Variants in MAF observed in about 807,000 individuals in gnomAD.
MAF encodes MAF bZIP transcription factor.
MAF carries 10 observed loss-of-function variants against 22.0 expected under a neutral mutation model. The ratio of observed to expected loss-of-function variants is 0.45; its 90% CI spans 0.28 to 0.77. The LOEUF is 0.77. MAF is among the 30% of genes least tolerant of loss of function. The probability of loss-of-function intolerance (pLI) is 0.12; values close to 1 mark genes in which losing one functional copy is unlikely to be tolerated. For missense variants in MAF, 544 were observed against 548.4 expected (o/e 0.99, Z 0.08); for synonymous variants, 337 against 255.8 (o/e 1.32, Z -3.03).
the MAF span, among the ~76,000 whole-genome samples, chr16:79,552,142 C>T: frequency 5.9e-5 from 9 of 152,252 alleles, no homozygotes; most frequent in East Asian, 3.9e-4. Flanking sequence ...CTCAGGACAA[C>T]GGGAAATGCT....
chr16:79,305,750 A>G, the MAF span, among the ~76,000 whole-genome samples: 1 of 152,240 alleles, frequency 6.6e-6, no homozygotes, highest in African/African-American at 2.4e-5. Flanking sequence ...AGAGAGAGGA[A>G]TTTACTGAAA....
At chr16:79,400,261 T>C in the MAF span, among the ~76,000 whole-genome samples, 31 of 152,186 alleles carry the variant, frequency 2.0e-4, no homozygotes, top group African/African-American at 5.3e-4. Flanking sequence ...GAACATCCCT[T>C]TGTGGCTTGG....
At chr16:79,572,780 A>G in the MAF span, among the ~76,000 whole-genome samples, 1 of 152,116 alleles carries the variant, frequency 6.6e-6, no homozygotes, top group African/African-American at 2.4e-5. Context: ...TTCCTCCCCA[A>G]CTCACACACA....
chr16:79,446,075 A>G, the MAF span, among the ~76,000 whole-genome samples: 1 of 152,214 alleles, frequency 6.6e-6, no homozygotes, highest in East Asian at 1.9e-4. Context: ...ACAGAGAGAA[A>G]AAAAAGAGAG....
chr16:79,441,660 C>T, the MAF span, among the ~76,000 whole-genome samples: 2 of 152,182 alleles, frequency 1.3e-5, no homozygotes, highest in African/African-American at 4.8e-5. Flanking sequence ...AGACAGTGGC[C>T]TGCCCTGGCT....
the MAF span, among the ~76,000 whole-genome samples, chr16:79,389,698 C>T: frequency 1.3e-5 from 2 of 151,560 alleles, no homozygotes; most frequent in Non-Finnish European, 2.9e-5. Flanking sequence ...TAGATCAGGC[C>T]GGGCATGGTG....
chr16:79,579,542 T>C, the MAF span, among the ~76,000 whole-genome samples: 43 of 152,242 alleles, frequency 2.8e-4, no homozygotes, highest in African/African-American at 1.0e-3. Flanking sequence ...GTCACTTTAT[T>C]GCAGCTTGCA....
the MAF span, among the ~76,000 whole-genome samples, chr16:79,273,202 C>G: frequency 2.6e-4 from 40 of 152,244 alleles, no homozygotes; most frequent in African/African-American, 8.4e-4. Flanking sequence ...CCCTAGGGAA[C>G]CTCCTCTGGC....
At chr16:79,452,968 T>C in the MAF span, among the ~76,000 whole-genome samples, 1 of 152,236 alleles carries the variant, frequency 6.6e-6, no homozygotes, top group Admixed American at 6.5e-5. Context: ...GCCTTTGCGA[T>C]GTGGAGGTTT....
chr16:79,582,044 G>C (rs1333526056), downstream of MAF, among the ~76,000 whole-genome samples: 1 of 152,104 alleles, frequency 6.6e-6, no homozygotes, highest in African/African-American at 2.4e-5. Flanking sequence ...TTTTCCCACT[G>C]TCTTACTGTT....
At chr16:79,290,279 C>G in the MAF span, among the ~76,000 whole-genome samples, 2 of 152,170 alleles carry the variant, frequency 1.3e-5, no homozygotes, top group Admixed American at 6.5e-5. Context: ...CAACACCGAG[C>G]TTTTATCTGA....
chr16:79,252,886 GT>G, the MAF span, among the ~76,000 whole-genome samples: 1 of 152,160 alleles, frequency 6.6e-6, no homozygotes, highest in Non-Finnish European at 1.5e-5. Flanking sequence ...TGAAAGGGGT[GT>G]AAAAGTAAAA....
chr16:79,228,200 C>G, the MAF span, among the ~76,000 whole-genome samples: 2 of 152,134 alleles, frequency 1.3e-5, no homozygotes, highest in African/African-American at 4.8e-5. Flanking sequence ...GCCACCTTGC[C>G]CAGCCACATT....
the MAF span, among the ~76,000 whole-genome samples, chr16:79,430,936 G>A: frequency 5.9e-5 from 9 of 152,304 alleles, no homozygotes; most frequent in East Asian, 1.9e-4. Flanking sequence ...GGGCAGTGGG[G>A]AATTCTTCCT....
chr16:79,572,836 T>G, the MAF span, among the ~76,000 whole-genome samples: 1 of 152,182 alleles, frequency 6.6e-6, no homozygotes, highest in Non-Finnish European at 1.5e-5. Flanking sequence ...CTGTATTGAA[T>G]TAAAATTCCC....
the MAF span, among the ~76,000 whole-genome samples, chr16:79,557,054 G>C: frequency 4.6e-5 from 7 of 150,672 alleles, no homozygotes; most frequent in Non-Finnish European, 1.0e-4. Flanking sequence ...CCAGGCTCAA[G>C]TGATCCTCCC....
the MAF span, among the ~76,000 whole-genome samples, chr16:79,294,665 T>C: frequency 2.0e-5 from 3 of 152,212 alleles, no homozygotes; most frequent in Admixed American, 2.0e-4. Flanking sequence ...CAGAGGAAAT[T>C]AGCTTCAGAG....
At chr16:79,324,493 T>A in the MAF span, among the ~76,000 whole-genome samples, 1 of 152,088 alleles carries the variant, frequency 6.6e-6, no homozygotes, top group Non-Finnish European at 1.5e-5. Context: ...CTAGAACCAA[T>A]CCCCCATGTG....
the MAF span, among the ~76,000 whole-genome samples, chr16:79,509,549 T>C: frequency 0.016 from 2,415 of 152,304 alleles, 33 homozygotes; most frequent in Middle Eastern, 0.034. Flanking sequence ...TGCAGACCTC[T>C]CCCGCCTCCC....
Sources: gnomAD v4.1 joint callset for allele counts (sites outside exome capture counted in the v4.1 genomes callset) on GRCh38, gnomAD v4.1.1 for gene constraint, MANE v1.5 for transcripts, NCBI Gene and HGNC (gene_info 2026-07-23, HGNC 2026-07-21) for gene names.